Variants in PTPRU observed in about 807,000 individuals in gnomAD.
PTPRU encodes protein tyrosine phosphatase receptor type U.
PTPRU carries 69 observed loss-of-function variants against 166.3 expected under a neutral mutation model. The observed-to-expected ratio is 0.41, with a 90% CI of 0.34 to 0.51. PTPRU has a LOEUF of 0.51. Ranked by LOEUF, PTPRU falls within the 20% of genes least tolerant of loss-of-function variation. The pLI is 0.09. For missense variants in PTPRU, 1,657 were observed against 2,013.7 expected (o/e 0.82, Z 3.39); for synonymous variants, 793 against 814.0 (o/e 0.97, Z 0.44).
At chr1:29,310,862 C>G in intron 19 of PTPRU, 82 bp downstream of exon 19, 1 of 1,477,050 alleles carries the variant, frequency 6.8e-7, no homozygotes, top group Non-Finnish European at 9.5e-7. Flanking sequence ...TTTCTGCCTC[C>G]CCTGCTGATC....
At chr1:29,314,091 C>A (rs112750272) in intron 22 of PTPRU, among the ~76,000 whole-genome samples, 2 of 152,180 alleles carry the variant, frequency 1.3e-5, no homozygotes, top group African/African-American at 4.8e-5. Flanking sequence ...TTGTGAGGCT[C>A]GTCCACAGTG....
intron 5 of PTPRU, 36 bp downstream of exon 5, chr1:29,259,600 T>TGGGTGGGGGGGGGGGGGGGG: frequency 3.9e-6 from 1 of 253,682 alleles, no homozygotes; most frequent in East Asian, 8.6e-5. Flanking sequence ...GGGGGCGGGG[T>TGGGTGGGGGGGGGGGGGGGG]GGGAGGGGGT....
chr1:29,295,960 A>C (rs1391725449), intron 15 of PTPRU, among the ~76,000 whole-genome samples: 1 of 151,966 alleles, frequency 6.6e-6, no homozygotes, highest in Non-Finnish European at 1.5e-5. Context: ...CGAAGTGCTG[A>C]GATTACAGGC....
chr1:29,248,384 T>C (rs1437811288), intron 1 of PTPRU, among the ~76,000 whole-genome samples: 1 of 152,074 alleles, frequency 6.6e-6, no homozygotes, highest in Non-Finnish European at 1.5e-5. Flanking sequence ...CTGCTGAGAA[T>C]AGGGGTACAA....
chr1:29,304,141 C>T (rs1356980998), intron 16 of PTPRU, 96 bp downstream of exon 16: 3 of 1,378,692 alleles, frequency 2.2e-6, no homozygotes, highest in East Asian at 4.9e-5. Context: ...CAGCCTAGTC[C>T]TGGTTGGACG....
At position 29,325,227 on chromosome 1, in the gene PTPRU, C is replaced by A; in HGVS notation, c.4149C>A (p.Cys1383Ter). 2 of 1,614,234 alleles carry A rather than the reference C, an allele frequency of 1.2e-6. No individual in the cohort carries two copies. Among genetic ancestry groups the A allele is most frequent in the Non-Finnish European group, 1.7e-6 (2 of 1,180,044 alleles). ...GGGRSGTFCA[C>*]ATVLEMIRCH... is the part of the protein sequence containing the mutation. ...GACGCAGCGGCACCTTCTGCGCCTG[C>A]GCCACGGTCCTGGAGATGATCCGCT... Residue 1383 changes from cysteine to a stop codon, truncating the protein, a stop_gained, in exon 29 of 30, where the codon TGC becomes TGA. Coordinates refer to ENST00000373779, the MANE Select transcript of PTPRU (RefSeq NM_133178.4). LOFTEE classifies it high-confidence loss of function.
At chr1:29,304,726 C>A in intron 16 of PTPRU, 48 bp from the exon 17 acceptor site, 1 of 1,382,146 alleles carries the variant, frequency 7.2e-7, no homozygotes, top group Non-Finnish European at 1.0e-6. Context: ...AAGGGGCCCT[C>A]AGTGAGGGTC....
At position 29,238,094 on chromosome 1, in the gene PTPRU, G is replaced by C. The variant is rs186176942; in HGVS notation, c.73+1377G>C. On this transcript the variant is annotated intron_variant, in intron 1 of 29. Transcript: ENST00000373779. This position sits in a 1 kb window ranked among gnomAD's most constrained non-coding sequence, Gnocchi z 6.1. The stretch of plus-strand genomic sequence containing the variant: ...CTTGAGTGTGAGCGTGAGTGTGAGC[G>C]TGTGGCTCCGCGCTTGTCTGCTGTG... Among the ~76,000 whole-genome samples the C allele has an allele frequency of 6.8e-4, 104 of 152,032 alleles. 2 individuals carry two copies. The East Asian group carries it at 0.02, about 29-fold the overall frequency.
At chr1:29,245,977 A>T (rs1026295938) in intron 1 of PTPRU, among the ~76,000 whole-genome samples, 1 of 152,248 alleles carries the variant, frequency 6.6e-6, no homozygotes, top group African/African-American at 2.4e-5. Flanking sequence ...GTGCCAACAG[A>T]TGGCATGCTA....
chr1:29,323,439 G>C lies in PTPRU; in HGVS notation c.3897G>C (p.Ser1299=), dbSNP rs1319044877. 1 of 1,609,558 alleles carries C rather than the reference G, an allele frequency of 6.2e-7. No homozygotes were observed. The highest frequency in any genetic ancestry group is 8.5e-7 in the Non-Finnish European group (1 of 1,178,032). ...GCCTCATGGAGGTGGAGTTTATGTC[G>C]GGCACAGCTGATGAAGACTTAGTGG... ...QYGLMEVEFM[S]GTADEDLVAR... The change falls in exon 27 of 30, where the codon TCG becomes TCC. Residue 1299 remains serine, a synonymous_variant. Coordinates refer to ENST00000373779, the MANE Select transcript of PTPRU (RefSeq NM_133178.4).
Position 29,315,314 on chromosome 1 carries a change from T to C in PTPRU, c.3228-58T>C. 6 of 1,606,572 alleles carry C rather than the reference T, an allele frequency of 3.7e-6. No homozygotes were observed. The highest frequency in any genetic ancestry group is 5.1e-6 in the Non-Finnish European group (6 of 1,175,474). ...CCAGTGCCCTCCTCTCTTCTTCTCC[T>C]TAGTCCCGGGCTTCCTCCCCAAAGC... On this transcript the variant is annotated intron_variant, in intron 22 of 29. Coordinates refer to ENST00000373779, the MANE Select transcript of PTPRU (RefSeq NM_133178.4). This position sits in a 1 kb window ranked among gnomAD's most constrained non-coding sequence, Gnocchi z 4.5.
chr1:29,289,694 A>G (rs772032499), intron 14 of PTPRU: 1 of 1,614,016 alleles, frequency 6.2e-7, no homozygotes, highest in Non-Finnish European at 8.5e-7. Flanking sequence ...AGAGACCACT[A>G]TGCCTACTCC....
At chr1:29,246,612 C>T (rs1049794382) in intron 1 of PTPRU, among the ~76,000 whole-genome samples, 5 of 152,060 alleles carry the variant, frequency 3.3e-5, no homozygotes, top group Admixed American at 6.6e-5. Context: ...TGGTTCCACA[C>T]AGCATCTATT....
At chr1:29,259,808 A>G in intron 5 of PTPRU, 62 bp from the exon 6 acceptor site, 1 of 1,461,460 alleles carries the variant, frequency 6.8e-7, no homozygotes, top group South Asian at 1.3e-5. Flanking sequence ...GGCCCGGGTC[A>G]GAGCGAGATC....
intron 14 of PTPRU, among the ~76,000 whole-genome samples, chr1:29,287,786 C>T (rs1034522092): frequency 2.0e-5 from 3 of 149,522 alleles, no homozygotes; most frequent in Non-Finnish European, 3.0e-5. Flanking sequence ...TTAGTAGAGA[C>T]GGGGTTTCAC....
At position 29,284,583 on chromosome 1, in the gene PTPRU, G is replaced by C. The variant is rs553654879; in HGVS notation, c.2180-148G>C. On this transcript the variant is annotated intron_variant, in intron 13 of 29. Transcript: ENST00000373779. ...CAGAAGGTATCAGGGATGGTGAGGA[G>C]GTAGATTTGCTCAAAAGGCAGGACA... 17 of 1,085,572 alleles carry C rather than the reference G, an allele frequency of 1.6e-5. No homozygotes were observed. In the African/African-American group the frequency reaches 2.5e-4, roughly 16 times the overall value. The allele number at this position is 1,085,572 out of a possible 1,614,324, so 67.2% of individuals were successfully genotyped here. A position where few individuals can be genotyped will look rare whatever the true frequency, so the allele number is the denominator to read the frequency against.
chr1:29,260,737 G>A lies in PTPRU; in HGVS notation c.978G>A (p.Met326Ile). 7 of 1,610,596 alleles carry A rather than the reference G, an allele frequency of 4.3e-6. No individual in the cohort carries two copies. The South Asian group carries it at 7.7e-5, about 18-fold the overall frequency. The change falls in exon 7 of 30, where the codon ATG becomes ATA. Residue 326 changes from methionine (M) to isoleucine (I), a missense_variant. Transcript: ENST00000373779. The surrounding 1 kb of genome is among the most constrained non-coding windows in gnomAD (Gnocchi z 8.3). Reference protein sequence around the residue: ...PIVRKEIEYRMARGPWAEVHA... With the variant: ...PIVRKEIEYRIARGPWAEVHA... The stretch of plus-strand genomic sequence containing the variant: ...TGCGCAAGGAGATTGAGTACCGCAT[G>A]GCGCGCGGGCCCTGGGCTGAGGTGC...
At chr1:29,269,247 T>TTTTTTTTTC (rs1685453292) in intron 7 of PTPRU, among the ~76,000 whole-genome samples, 1 of 24,332 alleles carries the variant, frequency 4.1e-5, no homozygotes, top group African/African-American at 1.4e-4. Flanking sequence ...TATATATATA[T>TTTTTTTTTC]TTTTTTTTTT....
At chr1:29,298,458 T>C (rs1157272256) in intron 15 of PTPRU, among the ~76,000 whole-genome samples, 1 of 152,114 alleles carries the variant, frequency 6.6e-6, no homozygotes, top group Non-Finnish European at 1.5e-5. Flanking sequence ...TGGTGGATCC[T>C]TCTATGCAAA....
Sources: gnomAD v4.1 joint callset for allele counts (sites outside exome capture counted in the v4.1 genomes callset) on GRCh38, gnomAD v4.1.1 for gene constraint, Gnocchi (gnomAD v3.1) non-coding constraint, MANE v1.5 for transcripts, NCBI Gene and HGNC (gene_info 2026-07-23, HGNC 2026-07-21) for gene names.